ZNF354B: variants seen among roughly 807,000 people sequenced by gnomAD.
The protein encoded by ZNF354B is zinc finger protein 354B.
Under a neutral mutation model 12.9 loss-of-function variants are expected in ZNF354B, and 10 were observed. That is an observed-to-expected ratio of 0.77 (90% CI 0.48 to 1.31). The LOEUF (loss-of-function observed/expected upper bound fraction) is 1.31. Ranked by LOEUF, ZNF354B falls within the 40% of genes most tolerant of loss-of-function variation. The pLI is 0.00. For synonymous variants in ZNF354B, 260 were observed against 243.7 expected (o/e 1.07, Z -0.62); for missense variants, 614 against 711.7 (o/e 0.86, Z 1.56).
At chr5:178,861,908 T>C (rs960074889) in intron 2 of ZNF354B, among the ~76,000 whole-genome samples, 7 of 152,112 alleles carry the variant, frequency 4.6e-5, no homozygotes, top group Non-Finnish European at 2.9e-5. Context: ...CATGAGTTAG[T>C]GTGTGGAAAG....
chr5:178,863,272 G>A (rs56951084), intron 2 of ZNF354B, among the ~76,000 whole-genome samples: 22,547 of 152,112 alleles, frequency 0.15, 2,042 homozygotes, highest in African/African-American at 0.25. Flanking sequence ...ATATATGTAT[G>A]TTTATGGATA....
chr5:178,868,564 A>G (rs1757501515), intron 4 of ZNF354B, among the ~76,000 whole-genome samples: 1 of 152,078 alleles, frequency 6.6e-6, no homozygotes. Context: ...AGTGAGGACC[A>G]CGTGGGAAAG....
intron 2 of ZNF354B, among the ~76,000 whole-genome samples, chr5:178,863,833 A>AGGCC (rs1166415069): frequency 7.9e-5 from 12 of 152,310 alleles, no homozygotes; most frequent in Non-Finnish European, 1.5e-4. Flanking sequence ...TAATGTGCAT[A>AGGCC]TTTATGTCCT....
chr5:178,866,347 A>T lies in ZNF354B; in HGVS notation c.137A>T (p.Asn46Ile). ...RNLYRDVMLE[N>I]YRNLVSLGLS... is the part of the protein sequence containing the mutation. Reference sequence around the variant, plus strand: ...TTGTACCGGGATGTGATGCTGGAGAACTATAGGAACCTGGTCTCACTGGGT... The same window carrying T: ...TTGTACCGGGATGTGATGCTGGAGATCTATAGGAACCTGGTCTCACTGGGT... The change falls in exon 3 of 5, where the codon AAC (asparagine) becomes ATC (isoleucine). Residue 46 changes from asparagine to isoleucine, a missense_variant. Coordinates refer to ENST00000322434, the MANE Select transcript of ZNF354B (RefSeq NM_058230.3). 1 of 1,613,938 alleles carries T rather than the reference A, an allele frequency of 6.2e-7. No homozygotes were observed. Among genetic ancestry groups the T allele is most frequent in the Non-Finnish European group, 8.5e-7 (1 of 1,179,938 alleles).
intron 3 of ZNF354B, among the ~76,000 whole-genome samples, chr5:178,866,580 A>G (rs1021751451): frequency 2.6e-5 from 4 of 152,162 alleles, no homozygotes; most frequent in Non-Finnish European, 5.9e-5. Flanking sequence ...ATTGATAATT[A>G]TCCCCTTCCT....
Position 178,866,331 on chromosome 5 carries a change from G to C in ZNF354B, c.121G>C (p.Asp41His). ...TCCTTCTCAGAGAAACTTGTACCGGGATGTGATGCTGGAGAACTATAGGAA... is the reference window on the plus strand; with the variant it reads ...TCCTTCTCAGAGAAACTTGTACCGGCATGTGATGCTGGAGAACTATAGGAA... ...LAPSQRNLYR[D>H]VMLENYRNLV... The change falls in exon 3 of 5, where the codon GAT becomes CAT. Residue 41 changes from aspartate (D) to histidine (H), a missense_variant. Physicochemically the swap from Asp to His is moderately conservative, Grantham distance 81 (BLOSUM62 -1). Transcript: ENST00000322434. 1.2e-6 allele frequency: 2 copies of C among 1,614,070 alleles called. No homozygotes were observed. Among genetic ancestry groups the C allele is most frequent in the South Asian group, 1.1e-5 (1 of 91,076 alleles).
In ZNF354B at chr5:178,883,881, CA is replaced by C. The variant is rs1757758846; in HGVS notation, c.1430del (p.Gln477ArgfsTer49). 6.2e-7 allele frequency: 1 copy of C among 1,613,996 alleles called. No homozygotes were observed. The highest frequency in any genetic ancestry group is 8.5e-7 in the Non-Finnish European group (1 of 1,180,004). On this transcript the variant is annotated frameshift_variant, in exon 5 of 5. Transcript: ENST00000322434. LOFTEE classifies it high-confidence loss of function. ...KCKVCGKAFR[Q>X]SSALIQHQRM... ...TAAAGTATGTGGAAAAGCCTTCAGA[CA>C]GAGTTCCGCTCTCATTCAACATCAG... is the stretch of plus-strand genomic sequence containing the variant.
At chr5:178,876,295 C>T (rs1231320605) in intron 4 of ZNF354B, among the ~76,000 whole-genome samples, 7 of 152,186 alleles carry the variant, frequency 4.6e-5, no homozygotes, top group South Asian at 2.1e-4. Context: ...ACAGTCTGGC[C>T]GCGTTTTGTG....
chr5:178,867,171 T>A (rs764854738), intron 4 of ZNF354B, 100 bp downstream of exon 4: 23 of 1,176,616 alleles, frequency 2.0e-5, no homozygotes, highest in Non-Finnish European at 2.9e-5. Flanking sequence ...TTGAGAATTC[T>A]CAGGCCTCAA....
At chr5:178,866,120 C>T in intron 2 of ZNF354B, 124 bp from the exon 3 acceptor site, 2 of 1,398,518 alleles carry the variant, frequency 1.4e-6, no homozygotes, top group Non-Finnish European at 1.9e-6. Context: ...AAAGGAATGA[C>T]CTGGAACCTT....
intron 4 of ZNF354B, among the ~76,000 whole-genome samples, chr5:178,873,362 C>T (rs886440205): frequency 2.6e-5 from 4 of 152,128 alleles, no homozygotes; most frequent in African/African-American, 9.7e-5. Flanking sequence ...TGTAAGAATT[C>T]TGCCTGTACT....
At chr5:178,864,849 C>G (rs565668708) in intron 2 of ZNF354B, among the ~76,000 whole-genome samples, 6 of 152,164 alleles carry the variant, frequency 3.9e-5, no homozygotes, top group Non-Finnish European at 8.8e-5. Context: ...TCTCGAACTC[C>G]TGAGCTCAGG....
chr5:178,862,938 T>A (rs561966278), intron 2 of ZNF354B, among the ~76,000 whole-genome samples: 2 of 152,096 alleles, frequency 1.3e-5, no homozygotes, highest in Non-Finnish European at 2.9e-5. Context: ...GACCAGAGAG[T>A]GCAGAGTTCA....
At chr5:178,869,740 TTGAG>T (rs1335214028) in intron 4 of ZNF354B, among the ~76,000 whole-genome samples, 1 of 151,904 alleles carries the variant, frequency 6.6e-6, no homozygotes, top group East Asian at 1.9e-4. Context: ...GAGCAGTTGA[TTGAG>T]TAAGAAAGGA....
Position 178,884,274 on chromosome 5 carries a change from G to T in ZNF354B, c.1822G>T (p.Ala608Ser). The T allele has an allele frequency of 6.3e-7, 1 of 1,587,862 alleles. No homozygotes were observed. The highest frequency in any genetic ancestry group is 1.7e-4 in the Middle Eastern group (1 of 5,900). ...KIHIEEDSLK[A>S]DLHV ...TCACATTGAAGAGGACTCCTTAAAA[G>T]CCGATTTGCATGTGTGAAAGCCTTA... Residue 608 changes from alanine to serine, a missense_variant, in exon 5 of 5, where the codon GCC becomes TCC. Coordinates refer to ENST00000322434, the MANE Select transcript of ZNF354B (RefSeq NM_058230.3).
Position 178,883,714 on chromosome 5 carries a change from C to A in ZNF354B, c.1262C>A (p.Ser421Tyr). 1 of 1,614,108 alleles carries A rather than the reference C, an allele frequency of 6.2e-7. No individual in the cohort carries two copies. Among genetic ancestry groups the A allele is most frequent in the Non-Finnish European group, 8.5e-7 (1 of 1,179,986 alleles). ...RCNECGKGFT[S>Y]ISRLNRHRII... ...AATGAATGTGGGAAAGGCTTTACTT[C>A]TATTTCACGACTTAATAGACACCGA... Residue 421 changes from serine to tyrosine, a missense_variant, in exon 5 of 5, where the codon TCT becomes TAT. Physicochemically the swap from Ser to Tyr is moderately radical, Grantham distance 144. Transcript: ENST00000322434.
At chr5:178,863,699 G>A (rs1358248474) in intron 2 of ZNF354B, among the ~76,000 whole-genome samples, 2 of 152,180 alleles carry the variant, frequency 1.3e-5, no homozygotes, top group East Asian at 1.9e-4. Context: ...GTATGCAGAA[G>A]AAAGCTTTGT....
chr5:178,876,514 G>A (rs918593718), intron 4 of ZNF354B, among the ~76,000 whole-genome samples: 1 of 152,196 alleles, frequency 6.6e-6, no homozygotes, highest in African/African-American at 2.4e-5. Context: ...GTCCCAGGAC[G>A]ATGCATATTT....
chr5:178,865,156 G>A (rs1013376883), intron 2 of ZNF354B, among the ~76,000 whole-genome samples: 2 of 152,150 alleles, frequency 1.3e-5, no homozygotes, highest in African/African-American at 4.8e-5. Context: ...TCTTTATTAA[G>A]TATGTGGTAG....
Sources: allele counts gnomAD v4.1 joint callset (sites outside exome capture counted in the v4.1 genomes callset), GRCh38; gene constraint gnomAD v4.1.1; transcripts MANE v1.5; gene names NCBI Gene and HGNC (gene_info 2026-07-23, HGNC 2026-07-21).